The following ATRNL1 variants were observed in gnomAD, a reference collection of about 807,000 sequenced individuals.
ATRNL1 encodes attractin like 1.
A neutral mutation model predicts 182.7 loss-of-function variants in ATRNL1; 95 were observed. The observed-to-expected ratio is 0.52, with a 90% CI of 0.44 to 0.62. ATRNL1 has a LOEUF of 0.62. Among genes scored for constraint, ATRNL1 ranks in the 20% least tolerant of loss-of-function variants. The probability of loss-of-function intolerance (pLI) is 0.00; values close to 1 mark genes in which losing one functional copy is unlikely to be tolerated. For synonymous variants in ATRNL1, 576 were observed against 568.3 expected, an observed-to-expected ratio of 1.01 and a Z score of -0.19; for missense variants, 1,471 against 1,679.5, an observed-to-expected ratio of 0.88 and a Z score of 2.17.
chr10:115,419,546 C>T (rs613755), intron 20 of ATRNL1, among the ~76,000 whole-genome samples: 15,074 of 152,022 alleles, frequency 0.099, 2,485 homozygotes, highest in African/African-American at 0.34. Context: ...ACGTATAAAA[C>T]AACATGCATA....
chr10:115,397,583 T>C (rs1186650551), intron 20 of ATRNL1, among the ~76,000 whole-genome samples: 2 of 151,928 alleles, frequency 1.3e-5, no homozygotes, highest in Non-Finnish European at 2.9e-5. Context: ...GATGGAGCAC[T>C]GAAAAGGGAA....
chr10:115,319,942 A>C (rs559477308), intron 18 of ATRNL1, among the ~76,000 whole-genome samples: 2 of 151,030 alleles, frequency 1.3e-5, no homozygotes, highest in Non-Finnish European at 2.9e-5. Context: ...TCATGATGCT[A>C]TCTGGTTATT....
intron 18 of ATRNL1, among the ~76,000 whole-genome samples, chr10:115,333,847 G>A (rs534938462): frequency 1.3e-4 from 20 of 152,122 alleles, no homozygotes; most frequent in African/African-American, 4.6e-4. Flanking sequence ...AGAATCTATT[G>A]CCACACTATT....
intron 19 of ATRNL1, among the ~76,000 whole-genome samples, chr10:115,359,297 T>C (rs1190134120): frequency 6.6e-6 from 1 of 151,692 alleles, no homozygotes; most frequent in East Asian, 1.9e-4. Flanking sequence ...ACTTGGTACA[T>C]AGTTAGAATT....
At chr10:115,929,459 A>C (rs1953331922) in intron 28 of ATRNL1, among the ~76,000 whole-genome samples, 1 of 152,110 alleles carries the variant, frequency 6.6e-6, no homozygotes, top group Non-Finnish European at 1.5e-5. Flanking sequence ...CAAAACAATA[A>C]AATTTAAACT....
intron 28 of ATRNL1, among the ~76,000 whole-genome samples, chr10:115,883,425 T>C (rs570324318): frequency 1.3e-5 from 2 of 152,358 alleles, no homozygotes; most frequent in African/African-American, 4.8e-5. Context: ...CCAAAGGACT[T>C]ATACAGGAAT....
chr10:115,346,811 C>A (rs1855997995), intron 19 of ATRNL1, among the ~76,000 whole-genome samples: 1 of 151,966 alleles, frequency 6.6e-6, no homozygotes, highest in Admixed American at 6.6e-5. Context: ...TTTGTATTTT[C>A]CACCATTCTG....
At chr10:115,581,585 A>G (rs1263026017) in intron 26 of ATRNL1, among the ~76,000 whole-genome samples, 7 of 152,152 alleles carry the variant, frequency 4.6e-5, no homozygotes, top group Admixed American at 4.6e-4. Flanking sequence ...ATTAAAATAT[A>G]TATGTGCATA....
chr10:115,291,617 G>A (rs1005668601), intron 15 of ATRNL1, among the ~76,000 whole-genome samples: 2 of 152,090 alleles, frequency 1.3e-5, no homozygotes, highest in African/African-American at 4.8e-5. Flanking sequence ...CTATTGAGAT[G>A]ATTGTATGGT....
chr10:115,801,419 T>TA (rs1419787919), intron 27 of ATRNL1, among the ~76,000 whole-genome samples: 1 of 152,206 alleles, frequency 6.6e-6, no homozygotes, highest in African/African-American at 2.4e-5. Context: ...ACTACTAGTA[T>TA]AAAAAGTTCT....
intron 27 of ATRNL1, among the ~76,000 whole-genome samples, chr10:115,812,030 A>C (rs1023486099): frequency 2.6e-5 from 4 of 152,122 alleles, no homozygotes; most frequent in Admixed American, 6.5e-5. Flanking sequence ...AAAATTTACT[A>C]TCTTCATTCT....
Position 115,484,624 on chromosome 10 carries a change from G to A in ATRNL1, c.3654+15295G>A, listed in dbSNP as rs557947482. On this transcript the variant is annotated intron_variant, in intron 24 of 28. Transcript: ENST00000355044. The stretch of plus-strand genomic sequence containing the variant: ...CAAATGCCTTCTTTGAATTCCCATA[G>A]CATCTTAGCTTATATTTATTCTTAT... Among the ~76,000 whole-genome samples the A allele has an allele frequency of 2.4e-4, 37 of 151,614 alleles. 1 individual carries two copies. In the South Asian group the frequency reaches 7.3e-3, roughly 30 times the overall value.
At chr10:115,324,642 A>G (rs1854775632) in intron 18 of ATRNL1, among the ~76,000 whole-genome samples, 2 of 152,184 alleles carry the variant, frequency 1.3e-5, no homozygotes, top group South Asian at 4.1e-4. Flanking sequence ...TTTTTCTTTC[A>G]TAAACATATC....
At chr10:115,271,807 T>A (rs1554913199) in intron 13 of ATRNL1, among the ~76,000 whole-genome samples, 2 of 152,190 alleles carry the variant, frequency 1.3e-5, no homozygotes, top group Non-Finnish European at 2.9e-5. Context: ...AGTTTTCCAT[T>A]GATCTTAATC....
chr10:115,362,742 T>C (rs541522822), intron 19 of ATRNL1, among the ~76,000 whole-genome samples: 171 of 151,784 alleles, frequency 1.1e-3, no homozygotes, highest in Non-Finnish European at 2.2e-3. Flanking sequence ...CATTGTTCAA[T>C]TCCCACCAAT....
intron 28 of ATRNL1, among the ~76,000 whole-genome samples, chr10:115,860,195 G>A (rs1951281236): frequency 1.3e-5 from 2 of 152,226 alleles, no homozygotes; most frequent in South Asian, 2.1e-4. Flanking sequence ...AAGCTTTGAG[G>A]GAATAAAGAT....
At position 115,549,529 on chromosome 10, in the gene ATRNL1, G is replaced by A. The variant is rs200935343; in HGVS notation, c.3788G>A (p.Arg1263Gln). Residue 1263 changes from arginine (R) to glutamine (Q), a missense_variant, in exon 26 of 29, where the codon CGG becomes CAG. By Grantham distance (43) the Arg-to-Gln change is conservative. Transcript: ENST00000355044. ...AAACAAACTTGTTGGGCTTCTCGAC[G>A]GAGAGAGGTATCAGTAATATTATTT... ...KIKQTCWASR[R>Q]REQLLRERQQ... 1.1e-4 allele frequency: 169 copies of A among 1,587,674 alleles called. No homozygotes were observed. Among genetic ancestry groups the A allele is most frequent in the Non-Finnish European group, 1.4e-4 (161 of 1,165,142 alleles).
At chr10:115,180,397 A>T (rs1262591473) in intron 8 of ATRNL1, among the ~76,000 whole-genome samples, 1 of 151,878 alleles carries the variant, frequency 6.6e-6, no homozygotes, top group Non-Finnish European at 1.5e-5. Flanking sequence ...ATGTCATTAT[A>T]TATTGCTGCA....
At chr10:115,456,411 A>C (rs1160791509) in intron 21 of ATRNL1, among the ~76,000 whole-genome samples, 1 of 152,134 alleles carries the variant, frequency 6.6e-6, no homozygotes, top group Non-Finnish European at 1.5e-5. Context: ...GCATGTTCTC[A>C]CTCATAAGTG....
Sources: gnomAD v4.1 joint callset for allele counts (sites outside exome capture counted in the v4.1 genomes callset) on GRCh38, gnomAD v4.1.1 for gene constraint, MANE v1.5 for transcripts, NCBI Gene and HGNC (gene_info 2026-07-23, HGNC 2026-07-21) for gene names.